Variants in PCDHGB6 observed in about 807,000 individuals in gnomAD.
PCDHGB6 encodes the protein protocadherin gamma subfamily B, 6, also known as protocadherin gamma-B6.
PCDHGB6 carries 51 observed loss-of-function variants against 59.1 expected under a neutral mutation model. The ratio of observed to expected loss-of-function variants is 0.86; its 90% CI spans 0.69 to 1.09. The LOEUF is 1.09. Among genes scored for constraint, PCDHGB6 ranks in the 50% least tolerant of loss-of-function variants. The pLI, the probability that PCDHGB6 is intolerant of heterozygous loss-of-function variation, is 0.00. For synonymous variants in PCDHGB6, 466 were observed against 495.1 expected, an observed-to-expected ratio of 0.94 and a Z score of 0.78; for missense variants, 1,148 against 1,205.1, an observed-to-expected ratio of 0.95 and a Z score of 0.70.
chr5:141,489,477 G>C lies in PCDHGB6; in HGVS notation c.2419-5330G>C, dbSNP rs2154581232. 1.9e-6 allele frequency: 3 copies of C among 1,614,108 alleles called. No homozygotes were observed. Among genetic ancestry groups the C allele is most frequent in the Non-Finnish European group, 2.5e-6 (3 of 1,180,034 alleles). ...ATGGGCGCTATTTTTCCCTGAGCTT[G>C]ATGAGTGGTGCCCTGGCAGTGAATC... is the stretch of plus-strand genomic sequence containing the variant. On this transcript the variant is annotated intron_variant, in intron 1 of 3. Coordinates refer to ENST00000520790, the MANE Select transcript of PCDHGB6 (RefSeq NM_018926.3). This position sits in a 1 kb window ranked among gnomAD's most constrained non-coding sequence, Gnocchi z 4.5.
chr5:141,470,969 A>C (rs62379203), intron 1 of PCDHGB6, among the ~76,000 whole-genome samples: 16,337 of 151,332 alleles, frequency 0.11, 895 homozygotes, highest in South Asian at 0.15. Flanking sequence ...CTCCCACCTC[A>C]GCCTCCCAAA....
chr5:141,453,721 A>G (rs373983847), intron 1 of PCDHGB6, among the ~76,000 whole-genome samples: 4 of 152,244 alleles, frequency 2.6e-5, no homozygotes, highest in East Asian at 1.9e-4. Flanking sequence ...CTATAAAAAT[A>G]TTTGTTACTA....
intron 1 of PCDHGB6, chr5:141,478,531 C>T (rs771145308): frequency 1.9e-6 from 3 of 1,608,190 alleles, no homozygotes; most frequent in Non-Finnish European, 2.5e-6. Flanking sequence ...GTGCAGAGAG[C>T]GCCCCTCCCG....
Position 141,485,087 on chromosome 5 carries a change from T to G in PCDHGB6, c.2419-9720T>G. The G allele has an allele frequency of 2.0e-6, 2 of 1,000,176 alleles. No homozygotes were observed. The highest frequency in any genetic ancestry group is 1.5e-6 in the Non-Finnish European group (1 of 651,808). 62.0% of individuals were successfully genotyped at this position (1,000,176 alleles called of 1,614,324 possible). A position where few individuals can be genotyped will look rare whatever the true frequency, so the allele number is the denominator to read the frequency against. The stretch of plus-strand genomic sequence containing the variant: ...CAGAGCTGGCGCGGGGAAAGGGAGA[T>G]AGGTGTCTCCAGCTGCTGTGGCTGT... On this transcript the variant is annotated intron_variant, in intron 1 of 3. Transcript: ENST00000520790. This position sits in a 1 kb window ranked among gnomAD's most constrained non-coding sequence, Gnocchi z 5.7.
chr5:141,455,817 A>G (rs1251279680), intron 1 of PCDHGB6, among the ~76,000 whole-genome samples: 3 of 151,882 alleles, frequency 2.0e-5, no homozygotes, highest in Non-Finnish European at 4.4e-5. Flanking sequence ...AAAACTTCCC[A>G]AGGACCCCTT....
At chr5:141,434,667 G>A (rs1464226862) in intron 1 of PCDHGB6, among the ~76,000 whole-genome samples, 5 of 151,956 alleles carry the variant, frequency 3.3e-5, no homozygotes, top group African/African-American at 1.2e-4. Context: ...CTATAGAAAT[G>A]ATGCTAATGA....
rs1265422100 is a variant in PCDHGB6 at position 141,490,199 on chromosome 5, C to A, written c.2419-4608C>A. On this transcript the variant is annotated intron_variant, in intron 1 of 3. Transcript: ENST00000520790. This position sits in a 1 kb window ranked among gnomAD's most constrained non-coding sequence, Gnocchi z 5.4. The stretch of plus-strand genomic sequence containing the variant: ...GAGTCACGTTTCTATGAAATTCATG[C>A]AAGAGCCCGTGACCAGGGACAGCCT... The A allele has an allele frequency of 1.9e-6, 3 of 1,614,184 alleles. No homozygotes were observed. The highest frequency in any genetic ancestry group is 2.5e-6 in the Non-Finnish European group (3 of 1,180,024).
At chr5:141,510,828 C>T in intron 3 of PCDHGB6, 119 bp from the exon 4 acceptor site, 18 of 1,572,154 alleles carry the variant, frequency 1.1e-5, no homozygotes, top group Non-Finnish European at 1.6e-5. Context: ...ATTCCCAGTG[C>T]TCAGCGTGGT....
chr5:141,431,748 G>T lies in PCDHGB6; in HGVS notation c.2418+21128G>T. 1 of 1,614,196 alleles carries T rather than the reference G, an allele frequency of 6.2e-7. No homozygotes were observed. Among genetic ancestry groups the T allele is most frequent in the Non-Finnish European group, 8.5e-7 (1 of 1,180,042 alleles). Reference sequence around the variant, plus strand: ...ATGGATAATGCAGGATATTCTGCGCGAGCCAAAGTCCTGATCACTGTTCTG... The same window carrying T: ...ATGGATAATGCAGGATATTCTGCGCTAGCCAAAGTCCTGATCACTGTTCTG... On this transcript the variant is annotated intron_variant, in intron 1 of 3. Transcript: ENST00000520790. This position sits in a 1 kb window ranked among gnomAD's most constrained non-coding sequence, Gnocchi z 4.8.
chr5:141,430,826 C>T (rs993762069), intron 1 of PCDHGB6: 1 of 1,550,298 alleles, frequency 6.5e-7, no homozygotes, highest in Non-Finnish European at 8.7e-7. Context: ...CCTGGGGACT[C>T]TGTGGGAGAC....
At chr5:141,494,445 A>G (rs1424475551) in intron 1 of PCDHGB6, among the ~76,000 whole-genome samples, 1 of 152,158 alleles carries the variant, frequency 6.6e-6, no homozygotes, top group East Asian at 1.9e-4. Flanking sequence ...TTGCCACTTT[A>G]GGGGGCTTTG....
chr5:141,476,016 G>A lies in PCDHGB6; in HGVS notation c.2419-18791G>A. 7.4e-7 allele frequency: 1 copy of A among 1,359,386 alleles called. No individual in the cohort carries two copies. 84.2% of individuals were successfully genotyped at this position (1,359,386 alleles called of 1,614,324 possible). A position where few individuals can be genotyped will look rare whatever the true frequency, so the allele number is the denominator to read the frequency against. On this transcript the variant is annotated intron_variant, in intron 1 of 3. Coordinates refer to ENST00000520790, the MANE Select transcript of PCDHGB6 (RefSeq NM_018926.3). This position sits in a 1 kb window ranked among gnomAD's most constrained non-coding sequence, Gnocchi z 7.6. ...TCAACGGCATCCAGAAAGCCATGTC[G>A]GACTCGGCGCCCAGCGCCCAAGCGC...
chr5:141,486,121 T>G lies in PCDHGB6; in HGVS notation c.2419-8686T>G. The G allele has an allele frequency of 6.2e-7, 1 of 1,614,204 alleles. No homozygotes were observed. Among genetic ancestry groups the G allele is most frequent in the Non-Finnish European group, 8.5e-7 (1 of 1,180,036 alleles). Reference sequence around the variant, plus strand: ...TAGACTTTGAGAGTGAGAATTACTATGAATTTGATGTGCGGGCTCGCGATG... The same window carrying G: ...TAGACTTTGAGAGTGAGAATTACTAGGAATTTGATGTGCGGGCTCGCGATG... On this transcript the variant is annotated intron_variant, in intron 1 of 3. Transcript: ENST00000520790. The surrounding 1 kb of genome is among the most constrained non-coding windows in gnomAD (Gnocchi z 5.0).
intron 1 of PCDHGB6, among the ~76,000 whole-genome samples, chr5:141,453,193 A>G (rs2098757675): frequency 6.6e-6 from 1 of 152,142 alleles, no homozygotes; most frequent in Admixed American, 6.5e-5. Context: ...AGCTCACTGC[A>G]GCCTCAACCT....
Position 141,490,732 on chromosome 5 carries a change from G to T in PCDHGB6, c.2419-4075G>T, listed in dbSNP as rs775388969. 4 of 1,614,188 alleles carry T rather than the reference G, an allele frequency of 2.5e-6. No individual in the cohort carries two copies. Among genetic ancestry groups the T allele is most frequent in the Non-Finnish European group, 3.4e-6 (4 of 1,180,042 alleles). ...CACCTACTCCATTGTAGGAAATCAGGTTCAGGGAGCCCCAGCCTCCTCCTT... is the reference window on the plus strand; with the variant it reads ...CACCTACTCCATTGTAGGAAATCAGTTTCAGGGAGCCCCAGCCTCCTCCTT... On this transcript the variant is annotated intron_variant, in intron 1 of 3. Transcript: ENST00000520790. The surrounding 1 kb of genome is among the most constrained non-coding windows in gnomAD (Gnocchi z 5.4).
chr5:141,414,173 C>A, intron 1 of PCDHGB6: 1 of 1,606,526 alleles, frequency 6.2e-7, no homozygotes. Context: ...GCATATCTTG[C>A]AACTGCAAAA....
At chr5:141,433,211 T>TC in intron 1 of PCDHGB6, 1 of 1,568,160 alleles carries the variant, frequency 6.4e-7, no homozygotes, top group Non-Finnish European at 8.6e-7. Context: ...CTTCTTTCTT[T>TC]TTTTTTTTTA....
intron 1 of PCDHGB6, among the ~76,000 whole-genome samples, chr5:141,455,603 C>T (rs1433078116): frequency 3.3e-5 from 5 of 152,190 alleles, no homozygotes; most frequent in Admixed American, 2.6e-4. Context: ...CGTAGGGCGC[C>T]ATGGATGTTC....
chr5:141,489,991 A>G lies in PCDHGB6; in HGVS notation c.2419-4816A>G, dbSNP rs1157441385. On this transcript the variant is annotated intron_variant, in intron 1 of 3. Coordinates refer to ENST00000520790, the MANE Select transcript of PCDHGB6 (RefSeq NM_018926.3). The surrounding 1 kb of genome is among the most constrained non-coding windows in gnomAD (Gnocchi z 4.5). Reference sequence around the variant, plus strand: ...CCAATCCTCAGTTCTACGTGTGGGAATCCCAGAGAATGCACCCATTGGTAC... The same window carrying G: ...CCAATCCTCAGTTCTACGTGTGGGAGTCCCAGAGAATGCACCCATTGGTAC... The G allele has an allele frequency of 6.2e-7, 1 of 1,614,228 alleles. No individual in the cohort carries two copies. Among genetic ancestry groups the G allele is most frequent in the South Asian group, 1.1e-5 (1 of 91,090 alleles).
Sources: allele counts gnomAD v4.1 joint callset (sites outside exome capture counted in the v4.1 genomes callset), GRCh38; gene constraint gnomAD v4.1.1; non-coding constraint Gnocchi (gnomAD v3.1); transcripts MANE v1.5; gene names NCBI Gene and HGNC (gene_info 2026-07-23, HGNC 2026-07-21).